The following FMN2 variants were observed in gnomAD, a reference collection of about 807,000 sequenced individuals.
FMN2 encodes formin 2.
FMN2 carries 51 observed loss-of-function variants against 142.3 expected under a neutral mutation model. The ratio of observed to expected loss-of-function variants is 0.36; its 90% CI spans 0.29 to 0.45. The LOEUF (loss-of-function observed/expected upper bound fraction) is 0.45, where lower values mean the gene tolerates loss of function less well. Ranked by LOEUF, FMN2 falls within the 20% of genes least tolerant of loss-of-function variation. The pLI is 1.00. For synonymous variants in FMN2, 882 were observed against 869.8 expected, an observed-to-expected ratio of 1.01 and a Z score of -0.25; for missense variants, 1,936 against 2,122.8, an observed-to-expected ratio of 0.91 and a Z score of 1.73.
At chr1:240,393,532 A>T (rs1479738443) in intron 15 of FMN2, among the ~76,000 whole-genome samples, 1 of 152,144 alleles carries the variant, frequency 6.6e-6, no homozygotes, top group African/African-American at 2.4e-5. Context: ...AAATTAGGCC[A>T]ATTAATTACC....
At chr1:240,188,130 A>T in intron 3 of FMN2, 77 bp from the exon 4 acceptor site, 3 of 1,419,762 alleles carry the variant, frequency 2.1e-6, no homozygotes, top group Non-Finnish European at 2.9e-6. Flanking sequence ...TATTTTAGTG[A>T]AAGTTTTATT....
intron 3 of FMN2, among the ~76,000 whole-genome samples, chr1:240,184,475 C>G (rs1046451318): frequency 1.3e-5 from 2 of 149,704 alleles, no homozygotes; most frequent in African/African-American, 4.9e-5. Context: ...CTCGGCCTCC[C>G]GAAGTGCTGG....
At chr1:240,252,614 A>C (rs918140982) in intron 6 of FMN2, among the ~76,000 whole-genome samples, 2 of 150,400 alleles carry the variant, frequency 1.3e-5, no homozygotes, top group African/African-American at 4.9e-5. Context: ...GTTTTTGCTG[A>C]GAAATCAGCT....
chr1:240,092,996 C>T lies in FMN2; in HGVS notation c.887C>T (p.Pro296Leu). Residue 296 changes from proline (P) to leucine (L), a missense_variant, in exon 1 of 18, where the codon CCC (proline) becomes CTC (leucine). Coordinates refer to ENST00000319653, the MANE Select transcript of FMN2 (RefSeq NM_020066.5). Reference sequence around the variant, plus strand: ...CGGGAGCCCCAGCAACCGCCGTCCCCCGGCGGCCTCCCGGTCTCCGAGGCG... The same window carrying T: ...CGGGAGCCCCAGCAACCGCCGTCCCTCGGCGGCCTCCCGGTCTCCGAGGCG... ...EPREPQQPPS[P>L]GGLPVSEAPS... The T allele has an allele frequency of 7.1e-7, 1 of 1,401,286 alleles. No individual in the cohort carries two copies. Among genetic ancestry groups the T allele is most frequent in the Non-Finnish European group, 9.2e-7 (1 of 1,086,686 alleles). 86.8% of individuals were successfully genotyped at this position (1,401,286 alleles called of 1,614,324 possible).
At chr1:240,094,839 G>A (rs540701084) in intron 1 of FMN2, among the ~76,000 whole-genome samples, 17 of 151,968 alleles carry the variant, frequency 1.1e-4, no homozygotes, top group African/African-American at 3.1e-4. Context: ...GAAATTTCTC[G>A]GCACAGACAG....
intron 16 of FMN2, among the ~76,000 whole-genome samples, chr1:240,462,272 T>G (rs557742173): frequency 6.6e-6 from 1 of 152,352 alleles, no homozygotes; most frequent in South Asian, 2.1e-4. Context: ...TCTTGCTGTA[T>G]CCTTACAGTC....
At chr1:240,099,884 C>T (rs1007996422) in intron 1 of FMN2, among the ~76,000 whole-genome samples, 10 of 152,098 alleles carry the variant, frequency 6.6e-5, no homozygotes, top group African/African-American at 2.4e-4. Flanking sequence ...CTTGCCTGTT[C>T]ACCCGATTCC....
chr1:240,370,973 C>G (rs1407927932), intron 14 of FMN2, among the ~76,000 whole-genome samples: 1 of 152,172 alleles, frequency 6.6e-6, no homozygotes, highest in East Asian at 1.9e-4. Context: ...AGTCCTTGCT[C>G]TATTGCCCAG....
At chr1:240,134,975 C>A (rs182294947) in intron 2 of FMN2, among the ~76,000 whole-genome samples, 1 of 152,280 alleles carries the variant, frequency 6.6e-6, no homozygotes, top group East Asian at 1.9e-4. Flanking sequence ...ATGTTCATGA[C>A]CATCCCGTAG....
intron 2 of FMN2, among the ~76,000 whole-genome samples, chr1:240,127,716 G>A (rs530230999): frequency 2.6e-5 from 4 of 152,154 alleles, no homozygotes; most frequent in Non-Finnish European, 5.9e-5. Flanking sequence ...CTGGGGTCAA[G>A]CAGTCCTCCT....
At chr1:240,456,203 C>T (rs1261138070) in intron 16 of FMN2, among the ~76,000 whole-genome samples, 1 of 152,092 alleles carries the variant, frequency 6.6e-6, no homozygotes, top group Non-Finnish European at 1.5e-5. Context: ...AATCTCTTAT[C>T]TACAATTTTG....
intron 8 of FMN2, among the ~76,000 whole-genome samples, chr1:240,298,784 G>A (rs750275296): frequency 1.9e-4 from 29 of 152,072 alleles, no homozygotes; most frequent in Non-Finnish European, 1.9e-4. Context: ...CACAAAACTG[G>A]TCCCTGGTGC....
chr1:240,126,319 G>C (rs1050113950), intron 2 of FMN2, among the ~76,000 whole-genome samples: 1 of 151,924 alleles, frequency 6.6e-6, no homozygotes, highest in African/African-American at 2.4e-5. Flanking sequence ...CTTCGAGACA[G>C]AACATGCTGT....
chr1:240,259,682 C>G (rs902321486), intron 7 of FMN2, among the ~76,000 whole-genome samples: 8 of 152,030 alleles, frequency 5.3e-5, no homozygotes, highest in Non-Finnish European at 1.0e-4. Context: ...TCCACAGAAG[C>G]ATAAACATCA....
chr1:240,325,298 G>A (rs1183321278), intron 8 of FMN2, among the ~76,000 whole-genome samples: 1 of 142,904 alleles, frequency 7.0e-6, no homozygotes, highest in Admixed American at 7.1e-5. Context: ...AGCTGAGATC[G>A]CGCCACTGCA....
intron 14 of FMN2, among the ~76,000 whole-genome samples, chr1:240,362,679 T>A (rs1054788483): frequency 1.3e-5 from 2 of 152,212 alleles, no homozygotes. Context: ...AGCCTGGTTC[T>A]CCTTTGTTGG....
At chr1:240,402,216 T>C (rs921682915) in intron 15 of FMN2, among the ~76,000 whole-genome samples, 1 of 152,230 alleles carries the variant, frequency 6.6e-6, no homozygotes, top group Non-Finnish European at 1.5e-5. Flanking sequence ...AATTGTCTTC[T>C]ATAAATAGTA....
At position 240,355,951 on chromosome 1, in the gene FMN2, C is replaced by CAAAAAAAAAAAAAAAAAA. The variant is rs58002724; in HGVS notation, c.4858+61_4858+78dup. On this transcript the variant is annotated intron_variant, in intron 14 of 17. Coordinates refer to ENST00000319653, the MANE Select transcript of FMN2 (RefSeq NM_020066.5). ...GTGTTATGTTTTTCTCCCCTTTCAG[C>CAAAAAAAAAAAAAAAAAA]AAAAAAAAAAAAAAAAAAAAAAAAA... is the stretch of plus-strand genomic sequence containing the variant. 2.1e-4 allele frequency: 53 copies of CAAAAAAAAAAAAAAAAAA among 252,960 alleles called. 4 individuals carry two copies. Among genetic ancestry groups the CAAAAAAAAAAAAAAAAAA allele is most frequent in the East Asian group, 4.0e-4 (7 of 17,480 alleles). 15.7% of individuals were successfully genotyped at this position (252,960 alleles called of 1,614,324 possible). A position where few individuals can be genotyped will look rare whatever the true frequency, so the allele number is the denominator to read the frequency against.
intron 2 of FMN2, among the ~76,000 whole-genome samples, chr1:240,149,608 C>T (rs1475676272): frequency 6.6e-6 from 1 of 152,176 alleles, no homozygotes; most frequent in Non-Finnish European, 1.5e-5. Context: ...AAATAGAACT[C>T]CTCAGCCTCA....
Sources: gnomAD v4.1 joint callset for allele counts (sites outside exome capture counted in the v4.1 genomes callset) on GRCh38, gnomAD v4.1.1 for gene constraint, MANE v1.5 for transcripts, NCBI Gene and HGNC (gene_info 2026-07-23, HGNC 2026-07-21) for gene names.